Variants in PSMG2 observed in about 807,000 individuals in gnomAD.
PSMG2 encodes proteasome assembly chaperone 2.
Under a neutral mutation model 31.5 loss-of-function variants are expected in PSMG2, and 21 were observed. The observed-to-expected ratio is 0.67, with a 90% CI of 0.47 to 0.96. The LOEUF is 0.96. Among genes scored for constraint, PSMG2 ranks in the 40% least tolerant of loss-of-function variants. The probability of loss-of-function intolerance (pLI) is 0.00; values close to 1 mark genes in which losing one functional copy is unlikely to be tolerated. For synonymous variants in PSMG2, 120 were observed against 110.4 expected (o/e 1.09, Z -0.54); for missense variants, 318 against 321.2 (o/e 0.99, Z 0.08).
intron 1 of PSMG2, among the ~76,000 whole-genome samples, chr18:12,704,220 A>G (rs1568039111): frequency 6.6e-6 from 1 of 152,180 alleles, no homozygotes; most frequent in Non-Finnish European, 1.5e-5. Context: ...TGAAGAGGAA[A>G]GCCATATTGG....
At chr18:12,674,902 A>G (rs1230147963) in intron 1 of PSMG2, 2 of 499,580 alleles carry the variant, frequency 4.0e-6, no homozygotes, top group Non-Finnish European at 6.8e-6. Context: ...ATAGGGATAC[A>G]TAGAAATAAA....
At chr18:12,698,396 T>C (rs1389878372), upstream of PSMG2, among the ~76,000 whole-genome samples, 3 of 152,146 alleles carry the variant, frequency 2.0e-5, no homozygotes, top group Non-Finnish European at 4.4e-5. Flanking sequence ...CTCAAACTCC[T>C]GACCTCAGGT....
intron 1 of PSMG2, among the ~76,000 whole-genome samples, chr18:12,673,738 G>A (rs556525556): frequency 3.9e-5 from 6 of 152,116 alleles, no homozygotes; most frequent in East Asian, 3.9e-4. Flanking sequence ...AAAATTAGCC[G>A]CGTGTGGTGG....
At chr18:12,683,997 G>A (rs1201422794) in intron 1 of PSMG2, among the ~76,000 whole-genome samples, 1 of 149,626 alleles carries the variant, frequency 6.7e-6, no homozygotes, top group Admixed American at 6.7e-5. Flanking sequence ...ATATATATAT[G>A]ATATATATCA....
chr18:12,703,230 C>G, intron 1 of PSMG2, 66 bp downstream of exon 1: 1 of 1,512,168 alleles, frequency 6.6e-7, no homozygotes, highest in Non-Finnish European at 9.0e-7. Context: ...CACCCCGACG[C>G]GGGGTGTTTG....
chr18:12,681,256 A>AT (rs34816720), intron 1 of PSMG2, among the ~76,000 whole-genome samples: 9,767 of 115,326 alleles, frequency 0.085, 650 homozygotes, highest in Non-Finnish European at 0.13. Flanking sequence ...AAAGTAGAAC[A>AT]TTTTTTTTTT....
At chr18:12,679,633 A>G (rs188584932) in intron 1 of PSMG2, among the ~76,000 whole-genome samples, 3 of 152,174 alleles carry the variant, frequency 2.0e-5, no homozygotes, top group Admixed American at 6.6e-5. Context: ...TCAAAATCTA[A>G]TGACAGGCTA....
intron 1 of PSMG2, among the ~76,000 whole-genome samples, chr18:12,687,391 T>A (rs2039577094): frequency 6.6e-6 from 1 of 152,120 alleles, no homozygotes; most frequent in Non-Finnish European, 1.5e-5. Flanking sequence ...AATTTTTATG[T>A]TGCAGAGCAA....
At chr18:12,700,570 T>G (rs2040116399), upstream of PSMG2, among the ~76,000 whole-genome samples, 1 of 152,172 alleles carries the variant, frequency 6.6e-6, no homozygotes, top group African/African-American at 2.4e-5. Context: ...TTGTTAATCA[T>G]AGAGAATATA....
chr18:12,714,374 C>T (rs1165813472), intron 3 of PSMG2, among the ~76,000 whole-genome samples: 2 of 152,190 alleles, frequency 1.3e-5, no homozygotes, highest in Non-Finnish European at 2.9e-5. Flanking sequence ...TCAGTCTTTC[C>T]ACTAGCTTCT....
chr18:12,678,099 T>C (rs1187424669), intron 1 of PSMG2: 1 of 1,593,970 alleles, frequency 6.3e-7, no homozygotes, highest in Non-Finnish European at 8.6e-7. Context: ...ACTATTTCAG[T>C]GTGAATTACC....
chr18:12,691,361 G>A (rs2145070208), intron 1 of PSMG2: 1 of 1,568,760 alleles, frequency 6.4e-7, no homozygotes, highest in African/African-American at 1.4e-5. Flanking sequence ...TTACAAACCT[G>A]TGCAAAAATC....
intron 5 of PSMG2, 150 bp from the exon 6 acceptor site, chr18:12,724,349 G>A (rs935462843): frequency 2.7e-6 from 2 of 742,410 alleles, no homozygotes; most frequent in African/African-American, 3.7e-5. Flanking sequence ...AACTCTGTGT[G>A]GGGCGAAGGG....
chr18:12,669,717 T>C (rs2038891484), intron 1 of PSMG2, among the ~76,000 whole-genome samples: 1 of 152,004 alleles, frequency 6.6e-6, no homozygotes, highest in Admixed American at 6.6e-5. Flanking sequence ...AAAAGAAAAA[T>C]TGGCGAGGCA....
intron 5 of PSMG2, among the ~76,000 whole-genome samples, chr18:12,721,614 C>CT (rs967578942): frequency 9.9e-5 from 15 of 151,750 alleles, no homozygotes; most frequent in African/African-American, 3.4e-4. Context: ...TGAGTCTTTT[C>CT]TTTTTTTTCC....
At chr18:12,661,964 TTTG>T (rs2038700822) in intron 1 of PSMG2, 6 of 256,604 alleles carry the variant, frequency 2.3e-5, no homozygotes, top group Admixed American at 5.0e-5. Flanking sequence ...ATGATTTTGT[TTTG>T]TTGATTTTGT....
intron 1 of PSMG2, chr18:12,684,942 A>G (rs981512040): frequency 6.6e-6 from 1 of 152,204 alleles, no homozygotes; most frequent in African/African-American, 2.4e-5. Context: ...AACAAACTAA[A>G]TAGCATGCAA....
At chr18:12,691,872 C>T (rs1350472142) in intron 1 of PSMG2, among the ~76,000 whole-genome samples, 2 of 152,034 alleles carry the variant, frequency 1.3e-5, no homozygotes, top group African/African-American at 4.8e-5. Flanking sequence ...CGTGCCACCA[C>T]ACTCAGCTAA....
chr18:12,706,167 A>G (rs1447999651), intron 1 of PSMG2, among the ~76,000 whole-genome samples: 8 of 152,344 alleles, frequency 5.3e-5, no homozygotes, highest in African/African-American at 1.9e-4. Context: ...TATTCTGTCT[A>G]AACTTTTTGA....
Sources: allele counts gnomAD v4.1 joint callset (sites outside exome capture counted in the v4.1 genomes callset), GRCh38; gene constraint gnomAD v4.1.1; transcripts MANE v1.5; gene names NCBI Gene and HGNC (gene_info 2026-07-23, HGNC 2026-07-21).